Variants in IQGAP2 observed in about 807,000 individuals in gnomAD.
IQGAP2 encodes the protein IQ motif containing GTPase activating protein 2, also known as ras GTPase-activating-like protein IQGAP2.
A neutral mutation model predicts 201.3 loss-of-function variants in IQGAP2; 173 were observed. The observed-to-expected ratio is 0.86, with a 90% CI of 0.76 to 0.98. IQGAP2 has a LOEUF of 0.98. Ranked by LOEUF, IQGAP2 falls within the 50% of genes least tolerant of loss-of-function variation. The pLI, the probability that IQGAP2 is intolerant of heterozygous loss-of-function variation, is 0.00. For missense variants in IQGAP2, 1,687 were observed against 1,864.8 expected (o/e 0.90, Z 1.76); for synonymous variants, 675 against 673.9 (o/e 1.00, Z -0.03).
rs1435208999 is a variant in IQGAP2 at position 76,403,504 on chromosome 5, C to T, written c.-42C>T. The T allele has an allele frequency of 2.1e-6, 3 of 1,434,258 alleles. No homozygotes were observed. The highest frequency in any genetic ancestry group is 1.4e-5 in the South Asian group (1 of 71,772). The allele number at this position is 1,434,258 out of a possible 1,614,324, so 88.8% of individuals were successfully genotyped here. A position where few individuals can be genotyped will look rare whatever the true frequency, so the allele number is the denominator to read the frequency against. ...CGCGAGCCTGGCCAGCGAGGGTAGC[C>T]GCGGGGGGCGCGCCCCGGGCGGGCC... is the stretch of plus-strand genomic sequence containing the variant. On this transcript the variant is annotated 5_prime_UTR_variant, in exon 1 of 36. Coordinates refer to ENST00000274364, the MANE Select transcript of IQGAP2 (RefSeq NM_006633.5). The surrounding 1 kb of genome is among the most constrained non-coding windows in gnomAD (Gnocchi z 4.8).
intron 14 of IQGAP2, among the ~76,000 whole-genome samples, chr5:76,631,620 A>G (rs1424815311): frequency 2.0e-5 from 3 of 152,162 alleles, no homozygotes. Flanking sequence ...CATACCACAT[A>G]TGAGTAACCA....
At chr5:76,439,563 G>A (rs916688910) in intron 1 of IQGAP2, among the ~76,000 whole-genome samples, 1 of 152,032 alleles carries the variant, frequency 6.6e-6, no homozygotes, top group African/African-American at 2.4e-5. Flanking sequence ...ATATCTTCTT[G>A]TTGGATTGAT....
intron 35 of IQGAP2, among the ~76,000 whole-genome samples, chr5:76,705,007 G>A (rs1356858354): frequency 6.6e-6 from 1 of 152,058 alleles, no homozygotes. Context: ...TATAATTATA[G>A]GCCATATAGG....
chr5:76,429,593 TATATGTATATTTATATATATAC>T (rs1379392093), intron 1 of IQGAP2, among the ~76,000 whole-genome samples: 35 of 127,722 alleles, frequency 2.7e-4, no homozygotes, highest in Non-Finnish European at 3.6e-5. Context: ...TATATATATA[TATATGTATATTTATATATATAC>T]ATATATAAAT....
chr5:76,554,124 G>A (rs374564040), intron 2 of IQGAP2, among the ~76,000 whole-genome samples: 2 of 152,280 alleles, frequency 1.3e-5, no homozygotes, highest in African/African-American at 4.8e-5. Context: ...CTTTTCAACT[G>A]GTGGTGCTGG....
In IQGAP2 at chr5:76,677,235, C is replaced by CATGTA. The variant is rs749749723; in HGVS notation, c.3550_3554dup (p.Pro1186MetfsTer18). The CATGTA allele has an allele frequency of 3.7e-6, 6 of 1,613,144 alleles. No homozygotes were observed. The highest frequency in any genetic ancestry group is 5.1e-6 in the Non-Finnish European group (6 of 1,179,442). On this transcript the variant is annotated frameshift_variant, in exon 28 of 36. Transcript: ENST00000274364. LOFTEE classifies it high-confidence loss of function. Reference sequence around the variant, plus strand: ...TTTATTAGGAAATATTTCAAAGAAGCATGTAATGTCCCTGAGCCAGAAGAG... The same window carrying CATGTA: ...TTTATTAGGAAATATTTCAAAGAAGCATGTAATGTAATGTCCCTGAGCCAGAAGAG...
intron 31 of IQGAP2, among the ~76,000 whole-genome samples, chr5:76,695,045 G>T (rs565992824): frequency 6.6e-6 from 1 of 152,186 alleles, no homozygotes; most frequent in Non-Finnish European, 1.5e-5. Context: ...CATGGCTGAT[G>T]TGTGAGAGTT....
chr5:76,405,415 CT>C (rs1294071568), intron 1 of IQGAP2, among the ~76,000 whole-genome samples: 1 of 152,226 alleles, frequency 6.6e-6, no homozygotes, highest in Non-Finnish European at 1.5e-5. Context: ...CTCCCGGTTA[CT>C]TTCCCTCCAC....
At chr5:76,543,679 T>C (rs888531340) in intron 2 of IQGAP2, among the ~76,000 whole-genome samples, 1 of 152,266 alleles carries the variant, frequency 6.6e-6, no homozygotes, top group Non-Finnish European at 1.5e-5. Flanking sequence ...TTTTCCTGAC[T>C]GGGCATAGTA....
At chr5:76,561,794 A>G (rs927178153) in intron 2 of IQGAP2, among the ~76,000 whole-genome samples, 5 of 152,168 alleles carry the variant, frequency 3.3e-5, no homozygotes, top group African/African-American at 1.2e-4. Context: ...AGAACCCATT[A>G]AGTACGGTGT....
chr5:76,448,881 G>A (rs1269306161), intron 1 of IQGAP2, among the ~76,000 whole-genome samples: 1 of 152,154 alleles, frequency 6.6e-6, no homozygotes, highest in Non-Finnish European at 1.5e-5. Context: ...TTCTCTTGCA[G>A]GTATGTGTAT....
intron 1 of IQGAP2, among the ~76,000 whole-genome samples, chr5:76,431,962 T>C (rs1752393948): frequency 6.6e-6 from 1 of 151,908 alleles, no homozygotes; most frequent in Admixed American, 6.6e-5. Context: ...AAATTAAGGG[T>C]AGACATACTC....
intron 8 of IQGAP2, among the ~76,000 whole-genome samples, chr5:76,591,343 A>G (rs1324182740): frequency 6.6e-6 from 1 of 152,114 alleles, no homozygotes; most frequent in Admixed American, 6.5e-5. Context: ...CCCAATAGTC[A>G]ATCCTTTATA....
chr5:76,556,383 G>A (rs1743946019), intron 2 of IQGAP2, among the ~76,000 whole-genome samples: 1 of 152,146 alleles, frequency 6.6e-6, no homozygotes, highest in African/African-American at 2.4e-5. Context: ...CTACTCCTTA[G>A]TTCCCGCTGG....
At chr5:76,654,907 A>G in intron 19 of IQGAP2, 27 bp from the exon 20 acceptor site, 1 of 1,527,928 alleles carries the variant, frequency 6.5e-7, no homozygotes, top group Non-Finnish European at 9.1e-7. Flanking sequence ...ACTCTGGGAG[A>G]TCAAGACTTG....
rs77592157 is a variant in IQGAP2, at chr5:76,530,509, T to C, written c.147-31887T>C. Among the ~76,000 whole-genome samples the C allele has an allele frequency of 4.4e-3, 663 of 152,368 alleles. 3 individuals carry two copies. Among genetic ancestry groups the C allele is most frequent in the African/African-American group, 0.012 (493 of 41,586 alleles). ...GATTATATCAGCTTTCTAAAATATT[T>C]GGTGTGTAATCAAAGTACAGTTTTG... On this transcript the variant is annotated intron_variant, in intron 2 of 35. Coordinates refer to ENST00000274364, the MANE Select transcript of IQGAP2 (RefSeq NM_006633.5).
intron 17 of IQGAP2, among the ~76,000 whole-genome samples, chr5:76,649,275 T>C (rs1016878188): frequency 6.6e-6 from 1 of 152,160 alleles, no homozygotes; most frequent in African/African-American, 2.4e-5. Context: ...ACTTCCACCC[T>C]CCTGTAACAA....
At chr5:76,497,671 C>T (rs1019567737) in intron 2 of IQGAP2, among the ~76,000 whole-genome samples, 1 of 152,206 alleles carries the variant, frequency 6.6e-6, no homozygotes, top group South Asian at 2.1e-4. Flanking sequence ...GTCAGCTCTC[C>T]TCTGTATGGG....
At chr5:76,631,835 G>A (rs1430534405) in intron 14 of IQGAP2, 24 bp from the exon 15 acceptor site, 1 of 1,531,024 alleles carries the variant, frequency 6.5e-7, no homozygotes, top group Non-Finnish European at 8.8e-7. Flanking sequence ...CCATTAACAA[G>A]AAACTTTTTT....
Sources: allele counts gnomAD v4.1 joint callset (sites outside exome capture counted in the v4.1 genomes callset), GRCh38; gene constraint gnomAD v4.1.1; non-coding constraint Gnocchi (gnomAD v3.1); transcripts MANE v1.5; gene names NCBI Gene and HGNC (gene_info 2026-07-23, HGNC 2026-07-21).